CD86: variants seen among roughly 807,000 people sequenced by gnomAD.
CD86 encodes T-lymphocyte activation antigen CD86.
Under a neutral mutation model 32.1 loss-of-function variants are expected in CD86, and 11 were observed. The observed-to-expected ratio is 0.34, with a 90% confidence interval of 0.22 to 0.57. CD86 has a LOEUF of 0.57. CD86 is among the 20% of genes least tolerant of loss of function. CD86 has a pLI of 0.86. For synonymous variants in CD86, 137 were observed against 135.3 expected (o/e 1.01, Z -0.09); for missense variants, 359 against 398.4 (o/e 0.90, Z 0.84).
intron 6 of CD86, 94 bp from the exon 7 acceptor site, chr3:122,119,344 A>G (rs2073305998): frequency 1.3e-6 from 1 of 758,088 alleles, no homozygotes; most frequent in Non-Finnish European, 2.3e-6. Flanking sequence ...TGCTGTTCCA[A>G]TGGCAACCTC....
intron 1 of CD86, among the ~76,000 whole-genome samples, chr3:122,080,965 C>G (rs958648391): frequency 1.3e-5 from 2 of 152,130 alleles, no homozygotes; most frequent in Non-Finnish European, 2.9e-5. Context: ...CTCAAGTCGA[C>G]GAGCCTGTAA....
intron 1 of CD86, among the ~76,000 whole-genome samples, chr3:122,076,014 C>T (rs1247744557): frequency 3.9e-5 from 6 of 152,166 alleles, no homozygotes; most frequent in Non-Finnish European, 1.5e-5. Flanking sequence ...GCCCCAAGAA[C>T]ACACAGGCAT....
chr3:122,080,649 A>T (rs1007406253), intron 1 of CD86, among the ~76,000 whole-genome samples: 4 of 152,200 alleles, frequency 2.6e-5, no homozygotes, highest in African/African-American at 9.6e-5. Flanking sequence ...TGAGTTTCAG[A>T]AAGAACAACT....
intron 1 of CD86, among the ~76,000 whole-genome samples, chr3:122,070,259 A>C (rs16832687): frequency 0.011 from 1,600 of 152,294 alleles, 17 homozygotes; most frequent in African/African-American, 0.037. Flanking sequence ...GATCGAATGC[A>C]AGAAAACAAT....
intron 2 of CD86, among the ~76,000 whole-genome samples, chr3:122,098,614 T>C (rs912220602): frequency 2.6e-5 from 4 of 152,180 alleles, no homozygotes; most frequent in African/African-American, 9.6e-5. Flanking sequence ...GATTATGTGA[T>C]TGGAGCTGTA....
At position 122,119,765 on chromosome 3, in the gene CD86, A is replaced by G; in HGVS notation, c.*231A>G. On this transcript the variant is annotated 3_prime_UTR_variant, in exon 7 of 7. Transcript: ENST00000330540. The stretch of plus-strand genomic sequence containing the variant: ...CTTCTTTTCACTTCAGAGCACACTT[A>G]TGGGCCAAGCCCAGCTTAATGGCTC... The G allele has an allele frequency of 2.3e-6, 1 of 431,632 alleles. No homozygotes were observed. The highest frequency in any genetic ancestry group is 4.1e-6 in the Non-Finnish European group (1 of 246,720). 26.7% of individuals were successfully genotyped at this position (431,632 alleles called of 1,614,324 possible). A position where few individuals can be genotyped will look rare whatever the true frequency, so the allele number is the denominator to read the frequency against.
chr3:122,102,406 C>CTTTTT lies in CD86; in HGVS notation c.65-1083_65-1079dup, dbSNP rs1011413952. On this transcript the variant is annotated intron_variant, in intron 2 of 6. Transcript: ENST00000330540. ...CGCACTTCTCACCCACCACTGCTTACTTTTTTTTTTTTTTTTTTTTTTTTT... is the reference window on the plus strand; with the variant it reads ...CGCACTTCTCACCCACCACTGCTTACTTTTTTTTTTTTTTTTTTTTTTTTTTTTTT... Among the ~76,000 whole-genome samples, 217 of 56,160 alleles carry CTTTTT rather than the reference C, an allele frequency of 3.9e-3. 62 individuals are homozygous for CTTTTT. The highest frequency in any genetic ancestry group is 0.015 in the African/African-American group (186 of 12,044). 36.8% of individuals were successfully genotyped at this position (56,160 alleles called of 152,430 possible).
intron 2 of CD86, among the ~76,000 whole-genome samples, chr3:122,093,614 A>G (rs1331433700): frequency 3.3e-5 from 5 of 152,242 alleles, no homozygotes; most frequent in African/African-American, 1.2e-4. Context: ...GAAAAGATAC[A>G]GTAAAAATAT....
intron 1 of CD86, among the ~76,000 whole-genome samples, chr3:122,072,911 G>C (rs954188971): frequency 6.6e-6 from 1 of 151,806 alleles, no homozygotes; most frequent in African/African-American, 2.4e-5. Context: ...TTTTGTATAA[G>C]GTGTAAGGAA....
intron 2 of CD86, among the ~76,000 whole-genome samples, chr3:122,099,712 T>C (rs1484626161): frequency 6.6e-6 from 1 of 152,232 alleles, no homozygotes; most frequent in Non-Finnish European, 1.5e-5. Flanking sequence ...TAATAACCAC[T>C]AGCCATATGT....
rs1293106106 is a variant in CD86, at chr3:122,119,502, T to A, written c.958T>A (p.Ser320Thr). 1.9e-6 allele frequency: 3 copies of A among 1,609,606 alleles called. No homozygotes were observed. The highest frequency in any genetic ancestry group is 2.6e-6 in the Non-Finnish European group (3 of 1,175,974). Reference sequence around the variant, plus strand: ...GCGTGTTTTTAAAAGTTCGAAGACATCTTCATGCGACAAAAGTGATACATG... The same window carrying A: ...GCGTGTTTTTAAAAGTTCGAAGACAACTTCATGCGACAAAAGTGATACATG... ...AQRVFKSSKT[S>T]SCDKSDTCF Residue 320 changes from serine to threonine, a missense_variant, in exon 7 of 7, where the codon TCT becomes ACT. Transcript: ENST00000330540.
rs374762527 is a variant in CD86 at position 122,119,042 on chromosome 3, C to A, written c.894-396C>A. ...AGGGTGCAGAGACAACCGAGAGTAC[C>A]CAGCACTAATCCAGATATACCAGCC... On this transcript the variant is annotated intron_variant, in intron 6 of 6. Coordinates refer to ENST00000330540, the MANE Select transcript of CD86 (RefSeq NM_175862.5). Among the ~76,000 whole-genome samples, 85 of 152,184 alleles carry A rather than the reference C, an allele frequency of 5.6e-4. 1 individual carries two copies. The South Asian group carries it at 0.014, about 26-fold the overall frequency.
chr3:122,060,811 A>G (rs1164385515), intron 1 of CD86, among the ~76,000 whole-genome samples: 1 of 152,166 alleles, frequency 6.6e-6, no homozygotes, highest in African/African-American at 2.4e-5. Flanking sequence ...TTCAGAGGCA[A>G]GTTGAGATTT....
At chr3:122,117,459 GT>G (rs2073272355) in intron 5 of CD86, among the ~76,000 whole-genome samples, 1 of 152,216 alleles carries the variant, frequency 6.6e-6, no homozygotes, top group African/African-American at 2.4e-5. Flanking sequence ...ACCTGTTGGA[GT>G]TTACGTGGGA....
intron 5 of CD86, among the ~76,000 whole-genome samples, chr3:122,117,177 G>C (rs530621010): frequency 3.0e-4 from 46 of 152,196 alleles, no homozygotes; most frequent in African/African-American, 9.9e-4. Flanking sequence ...AATGTCCACT[G>C]TACCCAATGT....
At chr3:122,088,319 A>G (rs533974289) in intron 1 of CD86, among the ~76,000 whole-genome samples, 3 of 152,068 alleles carry the variant, frequency 2.0e-5, no homozygotes, top group African/African-American at 7.2e-5. Flanking sequence ...CCAGTTCCAC[A>G]TACTATCTGT....
intron 5 of CD86, among the ~76,000 whole-genome samples, chr3:122,114,072 G>A (rs2073214346): frequency 6.6e-6 from 1 of 151,998 alleles, no homozygotes; most frequent in Non-Finnish European, 1.5e-5. Context: ...CCAACATGGT[G>A]AAACCCCATT....
rs2073046217 is a variant in CD86 at position 122,103,695 on chromosome 3, T to C, written c.248T>C (p.Met83Thr). Residue 83 changes from methionine to threonine, a missense_variant, in exon 3 of 7, where the codon ATG becomes ACG. Coordinates refer to ENST00000330540, the MANE Select transcript of CD86 (RefSeq NM_175862.5). The part of the protein sequence containing the change: ...EKFDSVHSKY[M>T]GRTSFDSDSW... Reference sequence around the variant, plus strand: ...TTTGACAGTGTTCATTCCAAGTATATGGGCCGCACAAGTTTTGATTCGGAC... The same window carrying C: ...TTTGACAGTGTTCATTCCAAGTATACGGGCCGCACAAGTTTTGATTCGGAC... 5.6e-6 allele frequency: 9 copies of C among 1,614,080 alleles called. No individual in the cohort carries two copies. Among genetic ancestry groups the C allele is most frequent in the Non-Finnish European group, 7.6e-6 (9 of 1,179,944 alleles).
intron 1 of CD86, among the ~76,000 whole-genome samples, chr3:122,086,241 ACTT>A (rs2072717041): frequency 6.6e-6 from 1 of 152,108 alleles, no homozygotes; most frequent in East Asian, 1.9e-4. Flanking sequence ...GCACCAGCAA[ACTT>A]CTCAGCATTT....
Sources: gnomAD v4.1 joint callset for allele counts (sites outside exome capture counted in the v4.1 genomes callset) on GRCh38, gnomAD v4.1.1 for gene constraint, MANE v1.5 for transcripts, NCBI Gene and HGNC (gene_info 2026-07-23, HGNC 2026-07-21) for gene names.